The following INTS3 variants were observed in gnomAD, a reference collection of about 807,000 sequenced individuals.
INTS3 encodes the protein SOSS complex subunit A.
Under a neutral mutation model 146.3 loss-of-function variants are expected in INTS3, and 34 were observed. The ratio of observed to expected loss-of-function variants is 0.23; its 90% CI spans 0.18 to 0.31. INTS3 has a LOEUF of 0.31. INTS3 is among the 10% of genes least tolerant of loss of function. INTS3 has a pLI of 1.00. For missense variants in INTS3, 757 were observed against 1,304.2 expected (o/e 0.58, Z 6.46); for synonymous variants, 475 against 494.9 (o/e 0.96, Z 0.53).
intron 10 of INTS3, among the ~76,000 whole-genome samples, chr1:153,758,148 G>A (rs1275519703): frequency 6.6e-6 from 1 of 152,124 alleles, no homozygotes; most frequent in Non-Finnish European, 1.5e-5. Context: ...CATCAGCTTT[G>A]TCTACTTCCC....
chr1:153,769,079 T>C (rs1672711463), intron 22 of INTS3, 118 bp downstream of exon 22: 2 of 800,368 alleles, frequency 2.5e-6, no homozygotes, highest in Non-Finnish European at 4.2e-6. Context: ...GCACCCTCCC[T>C]CCTGGCTACA....
At chr1:153,762,600 T>G in intron 14 of INTS3, 128 bp from the exon 15 acceptor site, 1 of 1,131,152 alleles carries the variant, frequency 8.8e-7, no homozygotes, top group East Asian at 2.5e-5. Context: ...CCTCCCAGGG[T>G]CAGTATTCCA....
In INTS3 at chr1:153,736,692, T is replaced by G. The variant is rs113556076; in HGVS notation, c.151-3959T>G. Reference sequence around the variant, plus strand: ...GAACTCCTAACCTCATAATCCACCCTCCCTCTGCCTCCCAAAGTGCTGAGA... The same window carrying G: ...GAACTCCTAACCTCATAATCCACCCGCCCTCTGCCTCCCAAAGTGCTGAGA... On this transcript the variant is annotated intron_variant, in intron 1 of 29. Coordinates refer to ENST00000318967, the MANE Select transcript of INTS3 (RefSeq NM_023015.5). Among the ~76,000 whole-genome samples, 599 of 148,080 alleles carry G rather than the reference T, an allele frequency of 4.0e-3. 8 individuals are homozygous for G. The highest frequency in any genetic ancestry group is 0.014 in the African/African-American group (577 of 40,050).
intron 22 of INTS3, among the ~76,000 whole-genome samples, chr1:153,769,338 G>A (rs1473855381): frequency 6.6e-6 from 1 of 152,186 alleles, no homozygotes; most frequent in African/African-American, 2.4e-5. Flanking sequence ...CCAAGAGGCT[G>A]TAGCTTTGCT....
intron 14 of INTS3, 25 bp downstream of exon 14, chr1:153,761,701 C>A: frequency 6.5e-7 from 1 of 1,541,214 alleles, no homozygotes; most frequent in Non-Finnish European, 9.0e-7. Context: ...CATTCCATCA[C>A]CTGTGTCAAA....
chr1:153,729,548 C>T (rs745428806), intron 1 of INTS3, among the ~76,000 whole-genome samples: 6 of 152,182 alleles, frequency 3.9e-5, no homozygotes, highest in Non-Finnish European at 5.9e-5. Context: ...CTTTCCACTC[C>T]TACAAACGAG....
chr1:153,760,809 C>T lies in INTS3; in HGVS notation c.1318-18C>T. 1 of 1,601,558 alleles carries T rather than the reference C, an allele frequency of 6.2e-7. No homozygotes were observed. Among genetic ancestry groups the T allele is most frequent in the Non-Finnish European group, 8.6e-7 (1 of 1,168,604 alleles). On this transcript the variant is annotated intron_variant, in intron 12 of 29. Coordinates refer to ENST00000318967, the MANE Select transcript of INTS3 (RefSeq NM_023015.5). ...ATGGAGTCCTGTGCTCATTTTTCCC[C>T]TCCTTCTTCGCTTCCAGATCATTCC...
In INTS3 at chr1:153,767,734, C is replaced by A. The variant is rs749337099; in HGVS notation, c.2151C>A (p.Gly717=). Residue 717 remains glycine, a synonymous_variant, in exon 21 of 30, where the codon GGC becomes GGA. Coordinates refer to ENST00000318967, the MANE Select transcript of INTS3 (RefSeq NM_023015.5). Reference sequence around the variant, plus strand: ...CATTTGCCCAGGCTACCCAGCTGGGCGATCTGCACACCTGCCTGATGATGG... The same window carrying A: ...CATTTGCCCAGGCTACCCAGCTGGGAGATCTGCACACCTGCCTGATGATGG... ...YESFAQATQL[G]DLHTCLMMDM... 2 of 1,612,436 alleles carry A rather than the reference C, an allele frequency of 1.2e-6. No individual in the cohort carries two copies. Among genetic ancestry groups the A allele is most frequent in the Admixed American group, 1.7e-5 (1 of 59,922 alleles).
At chr1:153,732,208 T>C (rs1177665687) in intron 1 of INTS3, among the ~76,000 whole-genome samples, 1 of 152,080 alleles carries the variant, frequency 6.6e-6, no homozygotes, top group African/African-American at 2.4e-5. Flanking sequence ...TGGCCAGAGC[T>C]TCCTCTTAAG....
Position 153,773,213 on chromosome 1 carries a change from G to A in INTS3, c.3072G>A (p.Pro1024=), listed in dbSNP as rs766972770. 1.5e-5 allele frequency: 25 copies of A among 1,613,906 alleles called. No homozygotes were observed. The highest frequency in any genetic ancestry group is 3.3e-5 in the South Asian group (3 of 91,084). The change falls in exon 30 of 30, where the codon CCG becomes CCA. Residue 1024 remains proline, a synonymous_variant. Transcript: ENST00000318967. The stretch of plus-strand genomic sequence containing the variant: ...TCCAGGAAGAGGAAGACACGAAACC[G>A]AAGCCTACCAAGCGGAAACGAAAAG... ...SSASEEEDTK[P]KPTKRKRKGS...
At position 153,773,580 on chromosome 1, in the gene INTS3, G is replaced by A. The variant is rs576219284; in HGVS notation, c.*310G>A. On this transcript the variant is annotated 3_prime_UTR_variant, in exon 30 of 30. Coordinates refer to ENST00000318967, the MANE Select transcript of INTS3 (RefSeq NM_023015.5). ...AGTCCTCAGCCCCCTGGCCCCTTCC[G>A]CAATCTCCTCCCCCAGTCTCCCAAA... 30 of 462,718 alleles carry A rather than the reference G, an allele frequency of 6.5e-5. No homozygotes were observed. Among genetic ancestry groups the A allele is most frequent in the East Asian group, 2.1e-4 (6 of 28,460 alleles). 28.7% of individuals were successfully genotyped at this position (462,718 alleles called of 1,614,324 possible). A position where few individuals can be genotyped will look rare whatever the true frequency, so the allele number is the denominator to read the frequency against.
In INTS3 at chr1:153,760,297, T is replaced by C; in HGVS notation, c.1238-14T>C. On this transcript the variant is annotated splice_polypyrimidine_tract_variant and intron_variant, in intron 11 of 29. Coordinates refer to ENST00000318967, the MANE Select transcript of INTS3 (RefSeq NM_023015.5). ...TGACTGATGTGAGGGGCTCTTTAAT[T>C]TCACATCCTCCAGAACCAGCCATCC... The C allele has an allele frequency of 6.3e-7, 1 of 1,575,472 alleles. No individual in the cohort carries two copies. The highest frequency in any genetic ancestry group is 8.7e-7 in the Non-Finnish European group (1 of 1,145,906).
At chr1:153,744,242 GC>G (rs1184822304) in intron 3 of INTS3, among the ~76,000 whole-genome samples, 7 of 152,178 alleles carry the variant, frequency 4.6e-5, no homozygotes, top group Non-Finnish European at 1.0e-4. Flanking sequence ...GACAGTATCT[GC>G]TGTCTTCATC....
intron 1 of INTS3, among the ~76,000 whole-genome samples, chr1:153,737,580 C>T (rs1020498619): frequency 6.6e-6 from 1 of 152,126 alleles, no homozygotes; most frequent in African/African-American, 2.4e-5. Context: ...CTCACTGCAA[C>T]CTCTGACTCC....
rs111753315 is a variant in INTS3 at position 153,763,903 on chromosome 1, T to C, written c.1821+17T>C. ...GTCCTGGAGGTGAGGAGGAACCCAA[T>C]CCCTTAGGGAGGAAGCAGCCTAGCC... On this transcript the variant is annotated intron_variant, in intron 17 of 29. Coordinates refer to ENST00000318967, the MANE Select transcript of INTS3 (RefSeq NM_023015.5). 3.8e-4 allele frequency: 606 copies of C among 1,611,744 alleles called. 6 individuals carry two copies. The African/African-American group carries it at 7.1e-3, about 19-fold the overall frequency.
At position 153,757,500 on chromosome 1, in the gene INTS3, G is replaced by A; in HGVS notation, c.958-72G>A. The A allele has an allele frequency of 1.5e-6, 2 of 1,331,306 alleles. No homozygotes were observed. The highest frequency in any genetic ancestry group is 2.1e-6 in the Non-Finnish European group (2 of 939,656). 82.5% of individuals were successfully genotyped at this position (1,331,306 alleles called of 1,614,324 possible). ...TCTAGGGCAAACCTAGAGTTAAGTG[G>A]TGCTCGTTTTCCTCTGGCCAAGGAC... On this transcript the variant is annotated intron_variant, in intron 9 of 29. Coordinates refer to ENST00000318967, the MANE Select transcript of INTS3 (RefSeq NM_023015.5). The surrounding 1 kb of genome is among the most constrained non-coding windows in gnomAD (Gnocchi z 4.0).
At chr1:153,761,535 CTCTGA>C in intron 13 of INTS3, 30 bp from the exon 14 acceptor site, 1 of 1,406,426 alleles carries the variant, frequency 7.1e-7, no homozygotes, top group South Asian at 1.2e-5. Flanking sequence ...ATAAGAGAAG[CTCTGA>C]TATTGACCTT....
intron 7 of INTS3, among the ~76,000 whole-genome samples, 162 bp downstream of exon 7, chr1:153,751,401 G>C (rs192143827): frequency 6.6e-6 from 1 of 152,172 alleles, no homozygotes; most frequent in Non-Finnish European, 1.5e-5. Flanking sequence ...AAAGGAGGGG[G>C]AGTTAGTGTA....
Position 153,761,682 on chromosome 1 carries a change from AG to A in INTS3, c.1516+8del, listed in dbSNP as rs1335907955. 2.5e-6 allele frequency: 4 copies of A among 1,594,120 alleles called. No individual in the cohort carries two copies. The South Asian group carries it at 4.4e-5, about 18-fold the overall frequency. ...ACCCTCCCCACCTGTGGAAGGTATG[AG>A]GCCCGCCCATTCCATCACCTGTGTC... is the stretch of plus-strand genomic sequence containing the variant. On this transcript the variant is annotated splice_region_variant and intron_variant, in intron 14 of 29. Coordinates refer to ENST00000318967, the MANE Select transcript of INTS3 (RefSeq NM_023015.5).
Sources: gnomAD v4.1 joint callset for allele counts (sites outside exome capture counted in the v4.1 genomes callset) on GRCh38, gnomAD v4.1.1 for gene constraint, Gnocchi (gnomAD v3.1) non-coding constraint, MANE v1.5 for transcripts, NCBI Gene and HGNC (gene_info 2026-07-23, HGNC 2026-07-21) for gene names.